Variants in NEMF observed in about 807,000 individuals in gnomAD.
NEMF encodes the protein nuclear export mediator factor.
Under a neutral mutation model 162.2 loss-of-function variants are expected in NEMF, and 89 were observed. The ratio of observed to expected loss-of-function variants is 0.55; its 90% CI spans 0.46 to 0.65. The LOEUF is 0.65. Ranked by LOEUF, NEMF falls within the 30% of genes least tolerant of loss-of-function variation. The probability of loss-of-function intolerance (pLI) is 0.00; values close to 1 mark genes in which losing one functional copy is unlikely to be tolerated. For missense variants in NEMF, 1,133 were observed against 1,261.9 expected, an observed-to-expected ratio of 0.90 and a Z score of 1.55; for synonymous variants, 421 against 404.5, an observed-to-expected ratio of 1.04 and a Z score of -0.49.
intron 3 of NEMF, among the ~76,000 whole-genome samples, chr14:49,847,739 AAG>A (rs1893577721): frequency 1.4e-5 from 2 of 145,110 alleles, no homozygotes; most frequent in African/African-American, 5.2e-5. Context: ...TTTTTTCTTT[AAG>A]AGAGTCTTTG....
chr14:49,821,928 A>G (rs1436069513), intron 16 of NEMF, among the ~76,000 whole-genome samples: 1 of 152,124 alleles, frequency 6.6e-6, no homozygotes, highest in Non-Finnish European at 1.5e-5. Context: ...TGTAGAAAGT[A>G]GTAGACATGG....
chr14:49,828,925 T>C, intron 13 of NEMF, 118 bp from the exon 14 acceptor site: 1 of 1,270,620 alleles, frequency 7.9e-7, no homozygotes, highest in Non-Finnish European at 1.1e-6. Flanking sequence ...TTATTTATTT[T>C]AATCTAAATT....
chr14:49,826,055 T>C (rs556883352), intron 15 of NEMF, 100 bp from the exon 16 acceptor site: 2 of 642,742 alleles, frequency 3.1e-6, no homozygotes, highest in East Asian at 5.7e-5. Context: ...TGTCACAAAA[T>C]GGCACAATCT....
chr14:49,841,473 C>A (rs1334200467), intron 4 of NEMF, among the ~76,000 whole-genome samples: 7 of 148,392 alleles, frequency 4.7e-5, no homozygotes, highest in Admixed American at 6.9e-5. Context: ...ACTTGGGAGA[C>A]TGAGGCAGGA....
intron 4 of NEMF, among the ~76,000 whole-genome samples, chr14:49,843,686 G>T (rs1893327669): frequency 6.6e-6 from 1 of 152,134 alleles, no homozygotes; most frequent in African/African-American, 2.4e-5. Context: ...TTGCTCCTAG[G>T]CTAGGAATCT....
In NEMF at chr14:49,784,991, G is replaced by C. The variant is rs761336037; in HGVS notation, c.3087C>G (p.Ala1029=). 3 of 1,613,734 alleles carry C rather than the reference G, an allele frequency of 1.9e-6. No homozygotes were observed. In the South Asian group the frequency reaches 3.3e-5, roughly 18 times the overall value. ...VQKKGKAAKT[A]LNSFMHSKEA... ...CTTTGGAATGCATGAAACTATTCAA[G>C]GCTGTTTTTGCAGCTGTAAATACAA... is the stretch of plus-strand genomic sequence containing the variant. The change falls in exon 32 of 33, where the codon GCC becomes GCG. Residue 1029 remains alanine, a synonymous_variant. Transcript: ENST00000298310.
At chr14:49,851,534 A>C in intron 3 of NEMF, 29 bp downstream of exon 3, 1 of 1,486,638 alleles carries the variant, frequency 6.7e-7, no homozygotes, top group Non-Finnish European at 9.4e-7. Flanking sequence ...CAATCTCTTA[A>C]AATTTAGCTT....
At chr14:49,839,662 C>T (rs1246967201) in intron 5 of NEMF, 2 of 152,180 alleles carry the variant, frequency 1.3e-5, no homozygotes, top group Non-Finnish European at 2.9e-5. Flanking sequence ...TAATAAGTCT[C>T]CTCAATTTAC....
At chr14:49,785,725 A>C (rs1427527224) in intron 29 of NEMF, 7 of 182,484 alleles carry the variant, frequency 3.8e-5, no homozygotes, top group South Asian at 3.3e-4. Context: ...CCATCTCTAC[A>C]AAAAATATAA....
At chr14:49,844,218 G>A (rs769523376) in intron 4 of NEMF, among the ~76,000 whole-genome samples, 50 of 152,142 alleles carry the variant, frequency 3.3e-4, no homozygotes, top group African/African-American at 5.5e-4. Flanking sequence ...TATGGTTTCC[G>A]GATGAAACTG....
chr14:49,837,280 T>C (rs1211556262), intron 6 of NEMF, among the ~76,000 whole-genome samples: 1 of 152,090 alleles, frequency 6.6e-6, no homozygotes. Context: ...GTCTCAAAAA[T>C]AATAGTAATT....
intron 25 of NEMF, among the ~76,000 whole-genome samples, chr14:49,798,433 A>C (rs1890790926): frequency 6.6e-6 from 1 of 152,226 alleles, no homozygotes; most frequent in South Asian, 2.1e-4. Context: ...CATACAGTTT[A>C]CATTTATTTT....
chr14:49,784,862 A>G (rs1890086489), intron 32 of NEMF, 63 bp downstream of exon 32: 2 of 1,479,162 alleles, frequency 1.4e-6, no homozygotes, highest in Non-Finnish European at 1.9e-6. Flanking sequence ...AATAACAAAA[A>G]ACTGCTAACA....
At chr14:49,829,766 G>T (rs563209382) in intron 11 of NEMF, among the ~76,000 whole-genome samples, 4 of 152,192 alleles carry the variant, frequency 2.6e-5, no homozygotes, top group South Asian at 2.1e-4. Context: ...TTGGGAGAAC[G>T]AATTCTTTAT....
intron 18 of NEMF, among the ~76,000 whole-genome samples, chr14:49,807,983 C>T (rs1157850083): frequency 6.6e-6 from 1 of 152,006 alleles, no homozygotes; most frequent in Non-Finnish European, 1.5e-5. Context: ...TGGCCATTCA[C>T]GTATCTTTGC....
chr14:49,842,588 A>G (rs1229982862), intron 4 of NEMF, among the ~76,000 whole-genome samples: 2 of 152,260 alleles, frequency 1.3e-5, no homozygotes, highest in Non-Finnish European at 2.9e-5. Flanking sequence ...ATAGTCACAG[A>G]ATACGGTGGG....
Position 49,840,937 on chromosome 14 carries a change from C to T in NEMF, c.358-71G>A, listed in dbSNP as rs192294755. 5.6e-4 allele frequency: 782 copies of T among 1,388,494 alleles called. 1 individual carries two copies. The African/African-American group carries it at 9.8e-3, about 17-fold the overall frequency. 86.0% of individuals were successfully genotyped at this position (1,388,494 alleles called of 1,614,324 possible). ...TGAGGCCAGGCACAGTGGCTCACAC[C>T]TGTAACCCCAGCACTGTGGAAGGCC... On this transcript the variant is annotated intron_variant, in intron 4 of 32. Transcript: ENST00000298310.
intron 25 of NEMF, 146 bp from the exon 26 acceptor site, chr14:49,796,090 A>G (rs1005312388): frequency 1.6e-6 from 1 of 636,832 alleles, no homozygotes; most frequent in Non-Finnish European, 2.8e-6. Context: ...TAGAAAATAC[A>G]AAGATGCTTA....
intron 6 of NEMF, among the ~76,000 whole-genome samples, 181 bp from the exon 7 acceptor site, chr14:49,834,630 C>G (rs1375038399): frequency 6.6e-6 from 1 of 152,036 alleles, no homozygotes; most frequent in Non-Finnish European, 1.5e-5. Flanking sequence ...TCACAAGCAC[C>G]CACCACCATG....
Sources: allele counts gnomAD v4.1 joint callset (sites outside exome capture counted in the v4.1 genomes callset), GRCh38; gene constraint gnomAD v4.1.1; transcripts MANE v1.5; gene names NCBI Gene and HGNC (gene_info 2026-07-23, HGNC 2026-07-21).